ASXL3: variants seen among roughly 807,000 people sequenced by gnomAD.
ASXL3 encodes the protein ASXL transcriptional regulator 3.
In ASXL3, 34 loss-of-function variants were observed where a neutral mutation model predicts 170.6. The ratio of observed to expected loss-of-function variants is 0.20; its 90% CI spans 0.15 to 0.27. ASXL3 has a LOEUF of 0.27. Among genes scored for constraint, ASXL3 ranks in the 10% least tolerant of loss-of-function variants. The pLI, the probability that ASXL3 is intolerant of heterozygous loss-of-function variation, is 1.00. For missense variants in ASXL3, 2,592 were observed against 2,695.3 expected (o/e 0.96, Z 0.85); for synonymous variants, 1,002 against 989.1 (o/e 1.01, Z -0.24).
At chr18:33,716,692 T>C (rs1179914248) in intron 8 of ASXL3, among the ~76,000 whole-genome samples, 2 of 152,150 alleles carry the variant, frequency 1.3e-5, no homozygotes, top group Non-Finnish European at 2.9e-5. Context: ...TATAGTGTTC[T>C]ATAAAGTGAA....
At chr18:33,669,040 A>G (rs75868823) in intron 5 of ASXL3, among the ~76,000 whole-genome samples, 2,333 of 152,264 alleles carry the variant, frequency 0.015, 27 homozygotes, top group Non-Finnish European at 0.023. Context: ...GAAGTCTTAC[A>G]TAATGGGCAA....
chr18:33,733,668 TTAGAACATCTA>T (rs2067490982), intron 9 of ASXL3, among the ~76,000 whole-genome samples: 2 of 152,218 alleles, frequency 1.3e-5, no homozygotes. Flanking sequence ...AGAAGTTTCT[TTAGAACATCTA>T]TTGGGTAATT....
chr18:33,664,258 G>C (rs899287022), intron 5 of ASXL3, among the ~76,000 whole-genome samples: 26 of 152,144 alleles, frequency 1.7e-4, no homozygotes, highest in African/African-American at 6.3e-4. Flanking sequence ...TTTGAATCCA[G>C]AACCGTAGTT....
chr18:33,630,844 C>A (rs1409029185), intron 2 of ASXL3, among the ~76,000 whole-genome samples: 1 of 151,868 alleles, frequency 6.6e-6, no homozygotes, highest in East Asian at 1.9e-4. Flanking sequence ...ATGTAATATG[C>A]TTTTCTTCAA....
Position 33,740,245 on chromosome 18 carries a change from G to A in ASXL3, c.2841G>A (p.Lys947=). The A allele has an allele frequency of 6.2e-7, 1 of 1,613,698 alleles. No homozygotes were observed. The highest frequency in any genetic ancestry group is 8.5e-7 in the Non-Finnish European group (1 of 1,179,776). ...SHTSKSSEPS[K]SPDGIRNESR... ...CTTCCAAGTCATCAGAGCCCTCCAA[G>A]TCACCTGATGGGATAAGAAATGAAA... The change falls in exon 11 of 12, where the codon AAG becomes AAA. Residue 947 remains lysine, a synonymous_variant. Transcript: ENST00000269197.
chr18:33,675,963 C>G, intron 7 of ASXL3, among the ~76,000 whole-genome samples: 1 of 151,986 alleles, frequency 6.6e-6, no homozygotes, highest in South Asian at 2.1e-4. Context: ...CAGTGGCTCA[C>G]ACCTGTAATC....
Position 33,745,721 on chromosome 18 carries a change from G to A in ASXL3, c.5873G>A (p.Cys1958Tyr). 1.2e-6 allele frequency: 2 copies of A among 1,614,006 alleles called. No homozygotes were observed. Among genetic ancestry groups the A allele is most frequent in the Non-Finnish European group, 1.7e-6 (2 of 1,179,884 alleles). Reference sequence around the variant, plus strand: ...GCCTCTTCCAAGACCCCAGTGGGGTGTAATGCATTTGCCTTCAACAGGCAT... The same window carrying A: ...GCCTCTTCCAAGACCCCAGTGGGGTATAATGCATTTGCCTTCAACAGGCAT... ...LQASSKTPVG[C>Y]NAFAFNRHLE... Residue 1958 changes from cysteine to tyrosine, a missense_variant, in exon 12 of 12, where the codon TGT (cysteine) becomes TAT (tyrosine). By Grantham distance (194) the Cys-to-Tyr change is radical. Transcript: ENST00000269197.
intron 8 of ASXL3, among the ~76,000 whole-genome samples, chr18:33,701,393 G>C (rs2066871764): frequency 6.6e-6 from 1 of 152,054 alleles, no homozygotes; most frequent in Non-Finnish European, 1.5e-5. Flanking sequence ...TGTTGTCATT[G>C]CTTAACAATA....
intron 8 of ASXL3, among the ~76,000 whole-genome samples, chr18:33,729,015 G>T (rs567532236): frequency 6.6e-4 from 101 of 152,262 alleles, no homozygotes; most frequent in African/African-American, 2.4e-3. Flanking sequence ...CTAACCTGGG[G>T]CCTATGGTAC....
At chr18:33,582,663 A>G (rs2065002813) in intron 1 of ASXL3, among the ~76,000 whole-genome samples, 1 of 152,032 alleles carries the variant, frequency 6.6e-6, no homozygotes, top group Non-Finnish European at 1.5e-5. Context: ...GTTTAGATAC[A>G]TGCACACAGA....
intron 6 of ASXL3, among the ~76,000 whole-genome samples, chr18:33,671,147 C>T (rs959661458): frequency 1.3e-5 from 2 of 152,100 alleles, no homozygotes; most frequent in African/African-American, 4.8e-5. Context: ...AAAAGCAGTT[C>T]TCTGTGAGTG....
intron 11 of ASXL3, among the ~76,000 whole-genome samples, chr18:33,741,438 G>A (rs1382362543): frequency 1.3e-5 from 2 of 151,818 alleles, no homozygotes; most frequent in African/African-American, 4.8e-5. Context: ...GCACTGATGT[G>A]AAAAAAAGGT....
chr18:33,742,530 A>C (rs2067681493), intron 11 of ASXL3, among the ~76,000 whole-genome samples: 2 of 152,238 alleles, frequency 1.3e-5, no homozygotes, highest in Non-Finnish European at 2.9e-5. Flanking sequence ...CCACTAAAAA[A>C]GATATTTCAA....
intron 7 of ASXL3, among the ~76,000 whole-genome samples, chr18:33,676,605 A>G (rs1199558475): frequency 6.6e-6 from 1 of 152,212 alleles, no homozygotes; most frequent in Non-Finnish European, 1.5e-5. Flanking sequence ...AACAATGTCT[A>G]CAAGGACTCC....
intron 4 of ASXL3, among the ~76,000 whole-genome samples, chr18:33,646,889 G>GA (rs1012535273): frequency 2.2e-4 from 31 of 143,506 alleles, no homozygotes; most frequent in African/African-American, 6.7e-4. Context: ...GCGGGGGGGG[G>GA]GGGCATTTTT....
chr18:33,734,450 G>C, intron 10 of ASXL3, 35 bp downstream of exon 10: 1 of 1,357,444 alleles, frequency 7.4e-7, no homozygotes, highest in Non-Finnish European at 1.0e-6. Context: ...ATTTCTCTGA[G>C]AAAGAAATGA....
At chr18:33,680,082 A>C (rs2066491725) in intron 7 of ASXL3, among the ~76,000 whole-genome samples, 1 of 151,620 alleles carries the variant, frequency 6.6e-6, no homozygotes, top group Admixed American at 6.6e-5. Context: ...TTTAATTTTC[A>C]ATTTTTTTCT....
rs780615290 is a variant in ASXL3, at chr18:33,744,488, A to C, written c.4640A>C (p.Gln1547Pro). ...TTCATTGCTGCTTCGGCAGCAAAAC[A>C]AGACAGTAAAACATTGCCGGCCACC... ...STFIAASAAK[Q>P]DSKTLPATCT... Residue 1547 changes from glutamine to proline, a missense_variant, in exon 12 of 12, where the codon CAA (glutamine) becomes CCA (proline). This residue lies in a region of ASXL3 where 2,246 missense variants were observed against 2,219.6 expected (regional missense o/e 1.01). Transcript: ENST00000269197. The C allele has an allele frequency of 1.2e-6, 2 of 1,613,016 alleles. No homozygotes were observed. Among genetic ancestry groups the C allele is most frequent in the Non-Finnish European group, 1.7e-6 (2 of 1,179,756 alleles).
At position 33,746,222 on chromosome 18, in the gene ASXL3, A is replaced by G. The variant is rs2067789605; in HGVS notation, c.6374A>G (p.Tyr2125Cys). Residue 2125 changes from tyrosine to cysteine, a missense_variant, in exon 12 of 12, where the codon TAT becomes TGT. Tyr to Cys is a radical substitution (Grantham distance 194). This residue lies in a region of ASXL3 where 2,246 missense variants were observed against 2,219.6 expected (regional missense o/e 1.01). Coordinates refer to ENST00000269197, the MANE Select transcript of ASXL3 (RefSeq NM_030632.3). ...FALKSADFSS[Y>C]LLSEPQKPFT... The stretch of plus-strand genomic sequence containing the variant: ...CTAAAAAGTGCAGATTTCTCTTCCT[A>G]TTTGCTTTCTGAGCCACAAAAGCCT... 13 of 1,613,822 alleles carry G rather than the reference A, an allele frequency of 8.1e-6. No homozygotes were observed. The highest frequency in any genetic ancestry group is 1.3e-5 in the African/African-American group (1 of 74,968).
Sources: gnomAD v4.1 joint callset for allele counts (sites outside exome capture counted in the v4.1 genomes callset) on GRCh38, gnomAD v4.1.1 for gene constraint, gnomAD v4.1.1 regional missense constraint, MANE v1.5 for transcripts, NCBI Gene and HGNC (gene_info 2026-07-23, HGNC 2026-07-21) for gene names.